LPIN1: variants seen among roughly 807,000 people sequenced by gnomAD.
The protein encoded by LPIN1 is lipin 1, also known as phosphatidate phosphatase LPIN1.
In LPIN1, 71 loss-of-function variants were observed where a neutral mutation model predicts 107.5. The ratio of observed to expected loss-of-function variants is 0.66; its 90% confidence interval spans 0.55 to 0.80. LPIN1 has a LOEUF of 0.80. Ranked by LOEUF, LPIN1 falls within the 30% of genes least tolerant of loss-of-function variation. LPIN1 has a pLI of 0.00. For missense variants in LPIN1, 1,043 were observed against 1,160.6 expected (o/e 0.90, Z 1.47); for synonymous variants, 445 against 452.6 (o/e 0.98, Z 0.21).
rs757186691 is a variant in LPIN1 at position 11,782,222 on chromosome 2, A to G, written c.979A>G (p.Lys327Glu). ...CTAGTCTTCTTCTCCACACAAGATG[A>G]AAGAGTCCAGCCCATTGAGCAGTAG... Reference protein sequence around the residue: ...AAKSSSPHKMKESSPLSSRKI... With the variant: ...AAKSSSPHKMEESSPLSSRKI... The change falls in exon 8 of 21, where the codon AAA becomes GAA. Residue 327 changes from lysine to glutamate, a missense_variant. Coordinates refer to ENST00000674199, the MANE Select transcript of LPIN1 (RefSeq NM_001349206.2). The G allele has an allele frequency of 8.7e-6, 14 of 1,614,030 alleles. No individual in the cohort carries two copies. The highest frequency in any genetic ancestry group is 1.1e-5 in the Non-Finnish European group (13 of 1,179,940).
At chr2:11,717,369 T>A (rs1663816545) in intron 2 of LPIN1, among the ~76,000 whole-genome samples, 1 of 152,184 alleles carries the variant, frequency 6.6e-6, no homozygotes, top group African/African-American at 2.4e-5. Context: ...TGTTCTATGT[T>A]CAGATACTGC....
rs534331047 is a variant in LPIN1 at position 11,736,571 on chromosome 2, G to A, written c.-71-4778G>A. Among the ~76,000 whole-genome samples the A allele has an allele frequency of 9.8e-5, 15 of 152,316 alleles. 2 individuals are homozygous for A. In the South Asian group the frequency reaches 3.1e-3, roughly 32 times the overall value. On this transcript the variant is annotated intron_variant, in intron 1 of 21. Coordinates refer to the LPIN1 transcript ENST00000396097. ...GGTTTCAACAGATGAATTTTGGGGGGCACAAAGATTCAGTCAATAGCAGAT... is the reference window on the plus strand; with the variant it reads ...GGTTTCAACAGATGAATTTTGGGGGACACAAAGATTCAGTCAATAGCAGAT...
At chr2:11,802,841 T>C (rs1677997699) in intron 14 of LPIN1, 66 bp from the exon 15 acceptor site, 4 of 1,578,672 alleles carry the variant, frequency 2.5e-6, no homozygotes, top group Non-Finnish European at 3.5e-6. Flanking sequence ...GATTAAAGGC[T>C]AATGCATTTT....
intron 12 of LPIN1, 61 bp downstream of exon 12, chr2:11,788,517 G>A (rs1270440526): frequency 3.1e-6 from 4 of 1,311,374 alleles, no homozygotes; most frequent in African/African-American, 1.5e-5. Context: ...TTAATCTGGG[G>A]TGGTTGGAAT....
intron 1 of LPIN1, among the ~76,000 whole-genome samples, chr2:11,725,166 C>T (rs2148539112): frequency 6.6e-6 from 1 of 152,302 alleles, no homozygotes; most frequent in South Asian, 2.1e-4. Flanking sequence ...GAGGCTGAGG[C>T]AGGAGAATGG....
At chr2:11,750,280 C>A (rs1238590896) in intron 1 of LPIN1, among the ~76,000 whole-genome samples, 1 of 152,194 alleles carries the variant, frequency 6.6e-6, no homozygotes, top group African/African-American at 2.4e-5. Flanking sequence ...AGACAGGCGC[C>A]CAGACAACTG....
chr2:11,776,062 T>C (rs1672632582), intron 5 of LPIN1, 24 bp from the exon 6 acceptor site: 1 of 1,396,342 alleles, frequency 7.2e-7, no homozygotes, highest in Non-Finnish European at 9.9e-7. Flanking sequence ...TTTCTTTTAA[T>C]GTGTATCACG....
intron 1 of LPIN1, among the ~76,000 whole-genome samples, chr2:11,709,487 C>T (rs1339380987): frequency 6.6e-6 from 1 of 152,222 alleles, no homozygotes; most frequent in African/African-American, 2.4e-5. Context: ...TTGGACAGTT[C>T]CCACACATTC....
chr2:11,754,329 G>A (rs951834575), intron 1 of LPIN1, among the ~76,000 whole-genome samples: 1 of 152,358 alleles, frequency 6.6e-6, no homozygotes, highest in African/African-American at 2.4e-5. Context: ...GAGGGCAGAT[G>A]TGACAGATCG....
At chr2:11,720,663 G>A (rs555994256), upstream of LPIN1, among the ~76,000 whole-genome samples, 3 of 152,168 alleles carry the variant, frequency 2.0e-5, no homozygotes, top group South Asian at 2.1e-4. Context: ...TGGAAGCAAT[G>A]CAGTGCGGCT....
chr2:11,765,692 C>T lies in LPIN1; in HGVS notation c.151C>T (p.Arg51Cys), dbSNP rs758821832. Residue 51 changes from arginine (R) to cysteine (C), a missense_variant, in exon 2 of 21, where the codon CGC (arginine) becomes TGC (cysteine). Coordinates refer to ENST00000674199, the MANE Select transcript of LPIN1 (RefSeq NM_001349206.2). The surrounding 1 kb of genome is among the most constrained non-coding windows in gnomAD (Gnocchi z 4.4). Reference sequence around the variant, plus strand: ...CCTCCAATGCTCCCCTTTCCACGTCCGCTTTGGGAAGATGGGGGTCCTGCG... The same window carrying T: ...CCTCCAATGCTCCCCTTTCCACGTCTGCTTTGGGAAGATGGGGGTCCTGCG... Reference protein sequence around the residue: ...GNLQCSPFHVRFGKMGVLRSR... With the variant: ...GNLQCSPFHVCFGKMGVLRSR... 2.5e-5 allele frequency: 40 copies of T among 1,612,806 alleles called. No homozygotes were observed. The highest frequency in any genetic ancestry group is 1.6e-4 in the Middle Eastern group (1 of 6,076).
intron 18 of LPIN1, among the ~76,000 whole-genome samples, chr2:11,815,789 T>C (rs1235915873): frequency 6.6e-6 from 1 of 152,092 alleles, no homozygotes; most frequent in African/African-American, 2.4e-5. Context: ...ACGGGTCCTC[T>C]AACAGACCAC....
Position 11,805,231 on chromosome 2 carries a change from C to G in LPIN1, c.2249+75C>G, listed in dbSNP as rs181326626. ...ACCGCACTCTGCATATGGAATCTTT[C>G]CTGTCCCAGCACGGGGTGACTTGCA... is the stretch of plus-strand genomic sequence containing the variant. On this transcript the variant is annotated intron_variant, in intron 17 of 20. Coordinates refer to ENST00000674199, the MANE Select transcript of LPIN1 (RefSeq NM_001349206.2). 9.6e-5 allele frequency: 112 copies of G among 1,172,056 alleles called. 1 individual carries two copies. In the African/African-American group the frequency reaches 1.5e-3, roughly 16 times the overall value. 72.6% of individuals were successfully genotyped at this position (1,172,056 alleles called of 1,614,324 possible). A position where few individuals can be genotyped will look rare whatever the true frequency, so the allele number is the denominator to read the frequency against.
At chr2:11,796,295 C>T (rs942215059) in intron 14 of LPIN1, among the ~76,000 whole-genome samples, 1 of 152,184 alleles carries the variant, frequency 6.6e-6, no homozygotes, top group Non-Finnish European at 1.5e-5. Context: ...TGTTGCTCAA[C>T]CGTCACTGAA....
At chr2:11,812,632 A>G (rs1265040068) in intron 17 of LPIN1, among the ~76,000 whole-genome samples, 1 of 152,136 alleles carries the variant, frequency 6.6e-6, no homozygotes, top group African/African-American at 2.4e-5. Flanking sequence ...GTGGTTTGCC[A>G]GGAGTGAGGA....
chr2:11,717,556 C>T (rs1663834050), intron 2 of LPIN1, among the ~76,000 whole-genome samples: 1 of 151,578 alleles, frequency 6.6e-6, no homozygotes, highest in African/African-American at 2.4e-5. Context: ...GAAATCATCG[C>T]ATTCTTTATT....
chr2:11,788,502 G>T (rs1239018715), intron 12 of LPIN1, 46 bp downstream of exon 12: 9 of 1,420,864 alleles, frequency 6.3e-6, no homozygotes, highest in African/African-American at 1.4e-5. Flanking sequence ...GAAATGATGG[G>T]TAGCTTAATC....
At chr2:11,760,305 C>T (rs918178928) in intron 1 of LPIN1, among the ~76,000 whole-genome samples, 2 of 152,232 alleles carry the variant, frequency 1.3e-5, no homozygotes, top group Non-Finnish European at 2.9e-5. Flanking sequence ...GCTGCAATCT[C>T]GGCACTTTGG....
At chr2:11,769,757 C>A (rs1048671997) in intron 3 of LPIN1, among the ~76,000 whole-genome samples, 3 of 152,154 alleles carry the variant, frequency 2.0e-5, no homozygotes, top group Non-Finnish European at 4.4e-5. Context: ...CTCTTTTGTT[C>A]ACAGATGAAG....
Sources: gnomAD v4.1 joint callset for allele counts (sites outside exome capture counted in the v4.1 genomes callset) on GRCh38, gnomAD v4.1.1 for gene constraint, Gnocchi (gnomAD v3.1) non-coding constraint, MANE v1.5 for transcripts, NCBI Gene and HGNC (gene_info 2026-07-23, HGNC 2026-07-21) for gene names.